Variants in APOL5 observed in about 807,000 individuals in gnomAD.
APOL5 encodes the protein apolipoprotein L5.
APOL5 carries 29 observed loss-of-function variants against 35.5 expected under a neutral mutation model. That is an observed-to-expected ratio of 0.82 (90% CI 0.61 to 1.11). The LOEUF (loss-of-function observed/expected upper bound fraction) is 1.11, where lower values mean the gene tolerates loss of function less well. Ranked by LOEUF, APOL5 falls within the 50% of genes most tolerant of loss-of-function variation. APOL5 has a pLI of 0.00. For synonymous variants in APOL5, 188 were observed against 200.2 expected, an observed-to-expected ratio of 0.94 and a Z score of 0.51; for missense variants, 514 against 530.4, an observed-to-expected ratio of 0.97 and a Z score of 0.30.
intron 1 of APOL5, among the ~76,000 whole-genome samples, chr22:35,719,864 G>A (rs5999975): frequency 0.67 from 102,483 of 152,106 alleles, 35,061 homozygotes; most frequent in African/African-American, 0.77. Flanking sequence ...GGCTTGGAGA[G>A]TGAGTGCAAG....
intron 3 of APOL5, 60 bp downstream of exon 3, chr22:35,727,254 G>C (rs1392359629): frequency 1.3e-6 from 2 of 1,541,786 alleles, no homozygotes; most frequent in Non-Finnish European, 1.7e-6. Flanking sequence ...TACCATGAGG[G>C]TGGGGGGCGA....
At chr22:35,717,071 A>G (rs962674067), upstream of APOL5, among the ~76,000 whole-genome samples, 15 of 151,404 alleles carry the variant, frequency 9.9e-5, no homozygotes, top group East Asian at 2.9e-3. Context: ...TGTCAGGCAC[A>G]TGTACTTCTC....
chr22:35,721,969 C>T (rs776189769), intron 2 of APOL5, among the ~76,000 whole-genome samples: 2 of 152,212 alleles, frequency 1.3e-5, no homozygotes, highest in Non-Finnish European at 2.9e-5. Flanking sequence ...GGGTTGCCTG[C>T]GCTTTCAGAC....
Position 35,727,088 on chromosome 22 carries a change from G to A in APOL5, c.1020G>A (p.Leu340=). The A allele has an allele frequency of 6.2e-7, 1 of 1,612,346 alleles. No individual in the cohort carries two copies. The highest frequency in any genetic ancestry group is 8.5e-7 in the Non-Finnish European group (1 of 1,180,010). Residue 340 remains leucine, a synonymous_variant, in exon 3 of 5, where the codon CTG becomes CTA. Coordinates refer to ENST00000249044, the MANE Select transcript of APOL5 (RefSeq NM_030642.1). The stretch of plus-strand genomic sequence containing the variant: ...TTGCTAAGAAGCTGGAGCAGGAGCT[G>A]GACCGGCTCACCCAGCACCACCGGC... The part of the protein sequence containing the change: ...RALAKKLEQE[L]DRLTQHHRHL...
Position 35,726,887 on chromosome 22 carries a change from T to G in APOL5, c.819T>G (p.Ala273=). ...AGAGACACATCCCTTTCTGGACGGCTAGAGGGGTGCAGAGAGCCTTTGAGG... is the reference window on the plus strand; with the variant it reads ...AGAGACACATCCCTTTCTGGACGGCGAGAGGGGTGCAGAGAGCCTTTGAGG... ...VAKRHIPFWT[A]RGVQRAFEGT... is the part of the protein sequence containing the mutation. Residue 273 remains alanine, a synonymous_variant, in exon 3 of 5, where the codon GCT becomes GCG. Coordinates refer to ENST00000249044, the MANE Select transcript of APOL5 (RefSeq NM_030642.1). The G allele has an allele frequency of 6.2e-7, 1 of 1,614,172 alleles. No individual in the cohort carries two copies. Among genetic ancestry groups the G allele is most frequent in the Non-Finnish European group, 8.5e-7 (1 of 1,180,032 alleles).
chr22:35,721,473 G>T (rs559179092), intron 2 of APOL5, among the ~76,000 whole-genome samples: 1 of 152,162 alleles, frequency 6.6e-6, no homozygotes, highest in East Asian at 1.9e-4. Context: ...AACCCGGGAG[G>T]CGGAGGTTGC....
chr22:35,722,813 A>G (rs1425972440), intron 2 of APOL5, among the ~76,000 whole-genome samples: 1 of 152,156 alleles, frequency 6.6e-6, no homozygotes, highest in African/African-American at 2.4e-5. Flanking sequence ...TGTCACCGTG[A>G]TTCTCCCGTG....
intron 1 of APOL5, among the ~76,000 whole-genome samples, chr22:35,719,453 T>C (rs1277725290): frequency 6.6e-6 from 1 of 152,186 alleles, no homozygotes; most frequent in Non-Finnish European, 1.5e-5. Flanking sequence ...CTATAGATGA[T>C]AGGCACTGGA....
chr22:35,708,777 C>T, the APOL5 span, among the ~76,000 whole-genome samples: 7 of 152,072 alleles, frequency 4.6e-5, no homozygotes, highest in African/African-American at 9.7e-5. Flanking sequence ...AACAGTGGCC[C>T]GAACCATTGG....
chr22:35,720,393 T>A (rs1218587154), intron 1 of APOL5, among the ~76,000 whole-genome samples, 175 bp from the exon 2 acceptor site: 2 of 152,248 alleles, frequency 1.3e-5, no homozygotes, highest in Non-Finnish European at 2.9e-5. Flanking sequence ...TTGTTTAAAA[T>A]CATTAGACAA....
chr22:35,725,261 T>C (rs1180179597), intron 2 of APOL5, among the ~76,000 whole-genome samples: 1 of 151,990 alleles, frequency 6.6e-6, no homozygotes, highest in Non-Finnish European at 1.5e-5. Context: ...GGTTTTTTGT[T>C]TTGTTTTTTT....
At chr22:35,716,855 C>T (rs1349009059), upstream of APOL5, among the ~76,000 whole-genome samples, 4 of 151,980 alleles carry the variant, frequency 2.6e-5, no homozygotes, top group East Asian at 3.9e-4. Flanking sequence ...AGATTTGCCT[C>T]GTTCCTTTTC....
At chr22:35,720,702 T>C in intron 2 of APOL5, 48 bp downstream of exon 2, 2 of 1,328,988 alleles carry the variant, frequency 1.5e-6, no homozygotes, top group Non-Finnish European at 2.2e-6. Context: ...AATCCCAGCA[T>C]CCAAAACAGT....
Position 35,726,463 on chromosome 22 carries a change from A to G in APOL5, c.395A>G (p.Glu132Gly). ...TLADQVDTTH[E>G]LLTKTSLVAS... ...GCGGACCAAGTTGACACCACTCACG[A>G]GTTGCTTACCAAGACCAGCCTGGTG... is the stretch of plus-strand genomic sequence containing the variant. Residue 132 changes from glutamate to glycine, a missense_variant, in exon 3 of 5, where the codon GAG becomes GGG. Around this residue, in one of 3 missense-constraint regions of APOL5, gnomAD observed 254 missense variants for 254.7 expected, o/e 1.00. Coordinates refer to ENST00000249044, the MANE Select transcript of APOL5 (RefSeq NM_030642.1). 6.2e-7 allele frequency: 1 copy of G among 1,614,166 alleles called. No individual in the cohort carries two copies. The highest frequency in any genetic ancestry group is 8.5e-7 in the Non-Finnish European group (1 of 1,180,038).
intron 1 of APOL5, among the ~76,000 whole-genome samples, chr22:35,720,238 C>T (rs1926917876): frequency 6.6e-6 from 1 of 152,336 alleles, no homozygotes; most frequent in South Asian, 2.1e-4. Context: ...TTTATGTAAG[C>T]AGCACTTCCC....
chr22:35,720,790 G>C, intron 2 of APOL5, 136 bp downstream of exon 2: 1 of 638,880 alleles, frequency 1.6e-6, no homozygotes, highest in African/African-American at 1.8e-5. Context: ...CTGTTGCCCA[G>C]GTTGGAGTGC....
upstream of APOL5, among the ~76,000 whole-genome samples, chr22:35,713,522 T>C (rs1259560694): frequency 1.3e-5 from 2 of 152,172 alleles, no homozygotes; most frequent in Non-Finnish European, 2.9e-5. Context: ...GTGGATTTTA[T>C]CTGTTTACGA....
At chr22:35,720,721 C>G in intron 2 of APOL5, 67 bp downstream of exon 2, 3 of 1,134,622 alleles carry the variant, frequency 2.6e-6, no homozygotes, top group Non-Finnish European at 4.0e-6. Context: ...GTGTCTGTCA[C>G]AGACCCAGCA....
In APOL5 at chr22:35,726,233, G is replaced by A; in HGVS notation, c.165G>A (p.Gln55=). ...PEFPSLVNLC[Q]SWKINNLMST... is the part of the protein sequence containing the mutation. ...TAGCCTCACTCGTGAACCTGTGCCA[G>A]AGTTGGAAAATTAACAATTTGATGT... The change falls in exon 3 of 5, where the codon CAG becomes CAA. Residue 55 remains glutamine (Q), a synonymous_variant. Transcript: ENST00000249044. The A allele has an allele frequency of 8.7e-6, 14 of 1,611,296 alleles. No homozygotes were observed. Among genetic ancestry groups the A allele is most frequent in the Non-Finnish European group, 1.2e-5 (14 of 1,177,506 alleles).
Sources: gnomAD v4.1 joint callset for allele counts (sites outside exome capture counted in the v4.1 genomes callset) on GRCh38, gnomAD v4.1.1 for gene constraint, gnomAD v4.1.1 regional missense constraint, MANE v1.5 for transcripts, NCBI Gene and HGNC (gene_info 2026-07-23, HGNC 2026-07-21) for gene names.